The following UNC5D variants were observed in gnomAD, a reference collection of about 807,000 sequenced individuals.
The protein encoded by UNC5D is netrin receptor UNC5D.
UNC5D carries 39 observed loss-of-function variants against 105.4 expected under a neutral mutation model. That is an observed-to-expected ratio of 0.37 (90% CI 0.29 to 0.48). The LOEUF (loss-of-function observed/expected upper bound fraction) is 0.48. Among genes scored for constraint, UNC5D ranks in the 20% least tolerant of loss-of-function variants. UNC5D has a pLI of 0.98. For missense variants in UNC5D, 991 were observed against 1,202.4 expected (o/e 0.82, Z 2.60); for synonymous variants, 452 against 450.4 (o/e 1.00, Z -0.04).
chr8:35,416,337 G>T (rs988223552), intron 1 of UNC5D, among the ~76,000 whole-genome samples: 5 of 152,102 alleles, frequency 3.3e-5, no homozygotes, highest in Non-Finnish European at 5.9e-5. Context: ...ACTCTAAAGA[G>T]AAGTACAGAG....
rs151204414 is a variant in UNC5D, at chr8:35,608,656, T to C, written c.570+12999T>C. On this transcript the variant is annotated intron_variant, in intron 4 of 16. Coordinates refer to ENST00000404895, the MANE Select transcript of UNC5D (RefSeq NM_080872.4). Reference sequence around the variant, plus strand: ...TTCAAACTCTATGTGCATGTTTAGCTCCAACTTACATGTGAGAACACATGG... The same window carrying C: ...TTCAAACTCTATGTGCATGTTTAGCCCCAACTTACATGTGAGAACACATGG... 4.0e-3 allele frequency among the ~76,000 whole-genome samples: 611 copies of C among 152,336 alleles called. 6 individuals are homozygous for C. The highest frequency in any genetic ancestry group is 0.013 in the African/African-American group (542 of 41,586).
intron 4 of UNC5D, among the ~76,000 whole-genome samples, chr8:35,636,079 T>G (rs1374001317): frequency 6.6e-6 from 1 of 152,224 alleles, no homozygotes; most frequent in Non-Finnish European, 1.5e-5. Context: ...TGATTATATT[T>G]TTGCTCATCA....
At chr8:35,515,068 G>A (rs1813021869) in intron 1 of UNC5D, among the ~76,000 whole-genome samples, 1 of 152,176 alleles carries the variant, frequency 6.6e-6, no homozygotes, top group South Asian at 2.1e-4. Context: ...GGCAATTTCT[G>A]AAAGACTAGC....
chr8:35,558,170 T>C (rs979176917), intron 2 of UNC5D, among the ~76,000 whole-genome samples: 12 of 147,038 alleles, frequency 8.2e-5, no homozygotes, highest in Non-Finnish European at 1.6e-4. Context: ...ACCCAGAAGC[T>C]CCTTGAGGGT....
At chr8:35,470,296 T>C (rs188628771) in intron 1 of UNC5D, among the ~76,000 whole-genome samples, 1 of 152,280 alleles carries the variant, frequency 6.6e-6, no homozygotes, top group East Asian at 1.9e-4. Context: ...TTTGAGGCCA[T>C]AACATAAAAT....
At chr8:35,325,189 G>A (rs1432276242) in intron 1 of UNC5D, among the ~76,000 whole-genome samples, 2 of 152,090 alleles carry the variant, frequency 1.3e-5, no homozygotes, top group Non-Finnish European at 2.9e-5. Context: ...AAGAATTTGG[G>A]GCTTTGGGGT....
chr8:35,789,347 T>A (rs1461724683), intron 16 of UNC5D, among the ~76,000 whole-genome samples: 1 of 150,284 alleles, frequency 6.7e-6, no homozygotes, highest in African/African-American at 2.4e-5. Flanking sequence ...AACTAAAGAT[T>A]TTGCTGTGAT....
At chr8:35,647,490 C>A (rs1408021521) in intron 4 of UNC5D, among the ~76,000 whole-genome samples, 4 of 151,740 alleles carry the variant, frequency 2.6e-5, no homozygotes, top group East Asian at 3.9e-4. Flanking sequence ...ACATTTATTT[C>A]TTTTAATTTA....
At chr8:35,621,082 T>C (rs1464260000) in intron 4 of UNC5D, among the ~76,000 whole-genome samples, 3 of 152,144 alleles carry the variant, frequency 2.0e-5, no homozygotes, top group Non-Finnish European at 2.9e-5. Flanking sequence ...CCACATCCAG[T>C]TGTGACAACC....
chr8:35,308,600 TA>T (rs1380622251), intron 1 of UNC5D, among the ~76,000 whole-genome samples: 1 of 152,140 alleles, frequency 6.6e-6, no homozygotes, highest in Non-Finnish European at 1.5e-5. Flanking sequence ...TGCCATCTGG[TA>T]GTAGGAACCA....
At chr8:35,600,116 T>C (rs1328687842) in intron 4 of UNC5D, among the ~76,000 whole-genome samples, 1 of 152,182 alleles carries the variant, frequency 6.6e-6, no homozygotes, top group Non-Finnish European at 1.5e-5. Flanking sequence ...TCCATGTCCC[T>C]ACAAAGGACA....
At chr8:35,379,278 C>A (rs1347153401) in intron 1 of UNC5D, among the ~76,000 whole-genome samples, 1 of 152,166 alleles carries the variant, frequency 6.6e-6, no homozygotes, top group Non-Finnish European at 1.5e-5. Flanking sequence ...GGACACTGTG[C>A]ATGTTGCTTA....
chr8:35,757,955 G>C (rs1830588056), intron 13 of UNC5D, among the ~76,000 whole-genome samples: 1 of 152,074 alleles, frequency 6.6e-6, no homozygotes, highest in Non-Finnish European at 1.5e-5. Flanking sequence ...TAAAAATTCA[G>C]CTCCTTCATC....
chr8:35,750,844 C>T (rs760092814), intron 13 of UNC5D, 35 bp downstream of exon 13: 1 of 1,608,770 alleles, frequency 6.2e-7, no homozygotes. Context: ...CTTTTGGTGT[C>T]ATGAAAGTGT....
At chr8:35,431,801 T>G (rs1585828877) in intron 1 of UNC5D, among the ~76,000 whole-genome samples, 1 of 152,142 alleles carries the variant, frequency 6.6e-6, no homozygotes, top group East Asian at 1.9e-4. Flanking sequence ...AATGTGTGTT[T>G]GCTTTCCAAA....
At chr8:35,339,641 C>T (rs963161560) in intron 1 of UNC5D, among the ~76,000 whole-genome samples, 5 of 152,180 alleles carry the variant, frequency 3.3e-5, no homozygotes, top group African/African-American at 7.2e-5. Flanking sequence ...GATAGTGTGT[C>T]GGAGTAGAAC....
chr8:35,695,940 G>A (rs1826741834), intron 7 of UNC5D, among the ~76,000 whole-genome samples: 1 of 151,872 alleles, frequency 6.6e-6, no homozygotes, highest in Non-Finnish European at 1.5e-5. Flanking sequence ...TTGCCATGTT[G>A]GCCAAGCTGG....
chr8:35,694,077 G>C (rs972408925), intron 7 of UNC5D, among the ~76,000 whole-genome samples: 5 of 152,174 alleles, frequency 3.3e-5, no homozygotes, highest in African/African-American at 1.2e-4. Flanking sequence ...GAGTCCCTGT[G>C]ATGATGTAAA....
chr8:35,601,083 C>G (rs1819846425), intron 4 of UNC5D, among the ~76,000 whole-genome samples: 1 of 152,058 alleles, frequency 6.6e-6, no homozygotes, highest in South Asian at 2.1e-4. Context: ...TTGTTTTTGT[C>G]AGGTTTGTCA....
Sources: gnomAD v4.1 joint callset for allele counts (sites outside exome capture counted in the v4.1 genomes callset) on GRCh38, gnomAD v4.1.1 for gene constraint, MANE v1.5 for transcripts, NCBI Gene and HGNC (gene_info 2026-07-23, HGNC 2026-07-21) for gene names.